Variants in LLGL2 observed in about 807,000 individuals in gnomAD.
LLGL2 encodes LLGL2, scribble cell polarity complex component.
A neutral mutation model predicts 123.2 loss-of-function variants in LLGL2; 81 were observed. That is an observed-to-expected ratio of 0.66 (90% CI 0.55 to 0.79). The LOEUF is 0.79. LLGL2 is among the 30% of genes least tolerant of loss of function. LLGL2 has a pLI of 0.00. For missense variants in LLGL2, 1,273 were observed against 1,414.6 expected, an observed-to-expected ratio of 0.90 and a Z score of 1.61; for synonymous variants, 577 against 594.1, an observed-to-expected ratio of 0.97 and a Z score of 0.42.
rs796806696 is a variant in LLGL2, at chr17:75,558,745, G to A, written c.371+118G>A. 35 of 802,136 alleles carry A rather than the reference G, an allele frequency of 4.4e-5. No individual in the cohort carries two copies. In the African/African-American group the frequency reaches 4.4e-4, roughly 10 times the overall value. 49.7% of individuals were successfully genotyped at this position (802,136 alleles called of 1,614,324 possible). On this transcript the variant is annotated intron_variant, in intron 5 of 25. Transcript: ENST00000392550. This position sits in a 1 kb window ranked among gnomAD's most constrained non-coding sequence, Gnocchi z 4.0. ...GCGCCCCTGGCAGTGACTGGCATGCGTTTGGCCCGATGCATCGCCACACTC... is the reference window on the plus strand; with the variant it reads ...GCGCCCCTGGCAGTGACTGGCATGCATTTGGCCCGATGCATCGCCACACTC...
In LLGL2 at chr17:75,568,783, T is replaced by A; in HGVS notation, c.1266T>A (p.Ile422=). The A allele has an allele frequency of 6.2e-7, 1 of 1,605,810 alleles. No homozygotes were observed. Among genetic ancestry groups the A allele is most frequent in the East Asian group, 2.2e-5 (1 of 44,780 alleles). The change falls in exon 12 of 26, where the codon ATT becomes ATA. Residue 422 remains isoleucine, a synonymous_variant. Transcript: ENST00000392550. ...NAHFSTMEWP[I]DGGTSLTPAP... is the part of the protein sequence containing the mutation. ...GTCTCTTTTTCTAGGAGTGGCCAAT[T>A]GATGGTGGCACCAGCCTGACCCCAG...
rs970036544 is a variant in LLGL2 at position 75,571,002 on chromosome 17, T to C, written c.2078T>C (p.Leu693Pro). 7 of 1,612,884 alleles carry C rather than the reference T, an allele frequency of 4.3e-6. No individual in the cohort carries two copies. The African/African-American group carries it at 9.3e-5, about 22-fold the overall frequency. Residue 693 changes from leucine to proline, a missense_variant, in exon 17 of 26, where the codon CTG (leucine) becomes CCG (proline). By Grantham distance (98) the Leu-to-Pro change is moderately conservative. Transcript: ENST00000392550. ...AERPGLQNME[L>P]APVQRKIEAR... ...CGGCCAGGCCTCCAGAACATGGAGC[T>C]GGCGCCTGTGCAGCGCAAGATCGAG...
rs535426858 is a variant in LLGL2 at position 75,542,192 on chromosome 17, G to A, written c.-30-1205G>A. ...AGTCCTGACCTGATGGTTAATTTTTGCCACCTCCCAAGAACGCGAAATCCT... is the reference window on the plus strand; with the variant it reads ...AGTCCTGACCTGATGGTTAATTTTTACCACCTCCCAAGAACGCGAAATCCT... On this transcript the variant is annotated intron_variant, in intron 1 of 25. Coordinates refer to ENST00000392550, the MANE Select transcript of LLGL2 (RefSeq NM_001031803.2). Among the ~76,000 whole-genome samples the A allele has an allele frequency of 6.6e-5, 10 of 152,066 alleles. No homozygotes were observed. In the East Asian group the frequency reaches 1.9e-3, roughly 29 times the overall value.
At chr17:75,562,811 C>G (rs964840359) in intron 6 of LLGL2, 40 of 617,848 alleles carry the variant, frequency 6.5e-5, no homozygotes, top group South Asian at 4.0e-5. Context: ...CTCAAGTGGC[C>G]TGCCCACCTT....
At chr17:75,566,907 G>A (rs1471636223) in intron 10 of LLGL2, among the ~76,000 whole-genome samples, 2 of 152,166 alleles carry the variant, frequency 1.3e-5, no homozygotes, top group East Asian at 3.9e-4. Context: ...AGATCGGGAA[G>A]GTGTCCATTT....
rs577330291 is a variant in LLGL2 at position 75,542,294 on chromosome 17, C to T, written c.-30-1103C>T. 1.8e-4 allele frequency among the ~76,000 whole-genome samples: 27 copies of T among 152,238 alleles called. No individual in the cohort carries two copies. The East Asian group carries it at 5.0e-3, about 28-fold the overall frequency. On this transcript the variant is annotated intron_variant, in intron 1 of 25. Coordinates refer to ENST00000392550, the MANE Select transcript of LLGL2 (RefSeq NM_001031803.2). ...ACTTCGGGCCAGGTGTTCCCTCTCC[C>T]TCCTGCAGTCAAAGCACTCAACACT...
At position 75,568,648 on chromosome 17, in the gene LLGL2, G is replaced by A. The variant is rs1330348266; in HGVS notation, c.1209G>A (p.Arg403=). 2.5e-6 allele frequency: 4 copies of A among 1,613,726 alleles called. No individual in the cohort carries two copies. The South Asian group carries it at 4.4e-5, about 18-fold the overall frequency. Residue 403 remains arginine (R), a synonymous_variant, in exon 11 of 26, where the codon CGG becomes CGA. Transcript: ENST00000392550. Reference sequence around the variant, plus strand: ...ACATCCCGCTGAAGCTGTGGGAGCGGATCATTGCCGCCGGCAGCCGGCAGA... The same window carrying A: ...ACATCCCGCTGAAGCTGTGGGAGCGAATCATTGCCGCCGGCAGCCGGCAGA... ...VSNIPLKLWE[R]IIAAGSRQNA...
In LLGL2 at chr17:75,569,944, C is replaced by T; in HGVS notation, c.1582-19C>T. On this transcript the variant is annotated intron_variant, in intron 14 of 25. Transcript: ENST00000392550. ...TCCCTTTGCTGAGGGCTTGCTGAGCCACCTGCCACCCTGCGCAGGTGCTGG... is the reference window on the plus strand; with the variant it reads ...TCCCTTTGCTGAGGGCTTGCTGAGCTACCTGCCACCCTGCGCAGGTGCTGG... 1 of 1,560,224 alleles carries T rather than the reference C, an allele frequency of 6.4e-7. No homozygotes were observed. The highest frequency in any genetic ancestry group is 1.4e-5 in the African/African-American group (1 of 73,888).
chr17:75,571,159 C>G (rs1365563017), intron 17 of LLGL2, 59 bp downstream of exon 17: 1 of 1,494,304 alleles, frequency 6.7e-7, no homozygotes, highest in South Asian at 1.2e-5. Flanking sequence ...CACCCCCTGA[C>G]CTGGGGGCAT....
At chr17:75,568,199 C>T in intron 10 of LLGL2, 1 of 1,376,966 alleles carries the variant, frequency 7.3e-7, no homozygotes, top group East Asian at 2.8e-5. Flanking sequence ...AGCTGCATGC[C>T]TCTGGGGTGC....
At chr17:75,562,060 GC>G (rs2055243971) in intron 6 of LLGL2, among the ~76,000 whole-genome samples, 1 of 152,172 alleles carries the variant, frequency 6.6e-6, no homozygotes, top group Admixed American at 6.5e-5. Flanking sequence ...GTTTAGTGTG[GC>G]TTGGGTCCAG....
intron 2 of LLGL2, among the ~76,000 whole-genome samples, chr17:75,546,762 AGG>A (rs2054446763): frequency 8.8e-4 from 6 of 6,800 alleles, no homozygotes; most frequent in South Asian, 7.4e-3. Flanking sequence ...AGACAGGCGG[AGG>A]GCAGGTCCAG....
In LLGL2 at chr17:75,525,701, C is replaced by A. The variant is rs1240568150; in HGVS notation, c.-155C>A. The A allele has an allele frequency of 2.0e-5, 3 of 150,684 alleles. No homozygotes were observed. Among genetic ancestry groups the A allele is most frequent in the African/African-American group, 7.3e-5 (3 of 41,276 alleles). The allele number at this position is 150,684 out of a possible 1,614,324, so 9.3% of individuals were successfully genotyped here. A position where few individuals can be genotyped will look rare whatever the true frequency, so the allele number is the denominator to read the frequency against. ...CGGCTCCGCCCCAGGCTCGCCGCGC[C>A]GGAGGTGAGCAGGAAGGAGACGGCC... is the stretch of plus-strand genomic sequence containing the variant. On this transcript the variant is annotated 5_prime_UTR_variant, in exon 1 of 26. Coordinates refer to ENST00000392550, the MANE Select transcript of LLGL2 (RefSeq NM_001031803.2). This position sits in a 1 kb window ranked among gnomAD's most constrained non-coding sequence, Gnocchi z 4.8.
chr17:75,560,067 G>T (rs2055132426), intron 6 of LLGL2, among the ~76,000 whole-genome samples: 2 of 152,160 alleles, frequency 1.3e-5, no homozygotes, highest in Non-Finnish European at 2.9e-5. Context: ...AGGGTGCTGG[G>T]CCCCTGGCCC....
Position 75,560,837 on chromosome 17 carries a change from G to C in LLGL2, c.530+1427G>C, listed in dbSNP as rs149301175. Among the ~76,000 whole-genome samples the C allele has an allele frequency of 5.2e-3, 595 of 114,840 alleles. 4 individuals are homozygous for C. Among genetic ancestry groups the C allele is most frequent in the Middle Eastern group, 0.015 (3 of 202 alleles). The allele number at this position is 114,840 out of a possible 152,430, so 75.3% of individuals were successfully genotyped here. ...AAAAAAAAAAAAAAAAAAAAACAAAGAAAAAACATTTTTTTTGAGAGAGTC... is the reference window on the plus strand; with the variant it reads ...AAAAAAAAAAAAAAAAAAAAACAAACAAAAAACATTTTTTTTGAGAGAGTC... On this transcript the variant is annotated intron_variant, in intron 6 of 25. Transcript: ENST00000392550.
chr17:75,554,155 A>C (rs1177300733), intron 2 of LLGL2, among the ~76,000 whole-genome samples: 2 of 152,124 alleles, frequency 1.3e-5, no homozygotes, highest in Non-Finnish European at 2.9e-5. Flanking sequence ...TACAAAAATT[A>C]GCTGGGCATG....
intron 3 of LLGL2, among the ~76,000 whole-genome samples, chr17:75,556,431 G>A (rs1221237172): frequency 1.3e-5 from 2 of 152,156 alleles, no homozygotes; most frequent in African/African-American, 4.8e-5. Context: ...TGTCTCCTGT[G>A]TCCTTTCAGG....
upstream of LLGL2, chr17:75,525,018 G>A (rs1165006559): frequency 6.3e-6 from 1 of 157,760 alleles, no homozygotes; most frequent in Non-Finnish European, 1.4e-5. The surrounding 1 kb of genome is among the most constrained non-coding windows in gnomAD (Gnocchi z 4.8). Context: ...CGGGGTGCGG[G>A]TGGCGAGAGG....
chr17:75,560,825 A>C (rs1006454791), intron 6 of LLGL2, among the ~76,000 whole-genome samples: 7 of 108,184 alleles, frequency 6.5e-5, no homozygotes, highest in African/African-American at 2.9e-4. Context: ...AAAAAAAAAA[A>C]AAAAAAACAA....
Sources: gnomAD v4.1 joint callset for allele counts (sites outside exome capture counted in the v4.1 genomes callset) on GRCh38, gnomAD v4.1.1 for gene constraint, Gnocchi (gnomAD v3.1) non-coding constraint, MANE v1.5 for transcripts, NCBI Gene and HGNC (gene_info 2026-07-23, HGNC 2026-07-21) for gene names.